The following MALRD1 variants were observed in gnomAD, a reference collection of about 807,000 sequenced individuals.
MALRD1 encodes the protein MAM and LDL-receptor class A domain-containing protein 1.
In MALRD1, 247 loss-of-function variants were observed where a neutral mutation model predicts 242.1. The ratio of observed to expected loss-of-function variants is 1.02; its 90% CI spans 0.92 to 1.13. The LOEUF (loss-of-function observed/expected upper bound fraction) is 1.13. MALRD1 is among the 50% of genes most tolerant of loss of function. The pLI, the probability that MALRD1 is intolerant of heterozygous loss-of-function variation, is 0.00. For synonymous variants in MALRD1, 995 were observed against 866.6 expected (o/e 1.15, Z -2.60); for missense variants, 2,989 against 2,533.1 (o/e 1.18, Z -3.86).
chr10:19,396,800 G>A (rs1327354998), intron 28 of MALRD1, among the ~76,000 whole-genome samples: 1 of 152,096 alleles, frequency 6.6e-6, no homozygotes, highest in East Asian at 1.9e-4. Context: ...GAGGAGAGGT[G>A]ACTACTTTGT....
intron 31 of MALRD1, among the ~76,000 whole-genome samples, chr10:19,512,713 G>T (rs1183342447): frequency 6.6e-6 from 1 of 152,120 alleles, no homozygotes; most frequent in African/African-American, 2.4e-5. Flanking sequence ...TGATTTATAG[G>T]TAGAAATGCA....
intron 28 of MALRD1, among the ~76,000 whole-genome samples, chr10:19,401,622 G>A (rs1360630697): frequency 6.6e-6 from 1 of 151,932 alleles, no homozygotes; most frequent in African/African-American, 2.4e-5. Context: ...TTTCTTTGCA[G>A]CAATGGACAT....
intron 17 of MALRD1, among the ~76,000 whole-genome samples, chr10:19,208,981 T>G (rs1280991927): frequency 1.3e-5 from 2 of 152,162 alleles, no homozygotes; most frequent in Non-Finnish European, 2.9e-5. Flanking sequence ...GTGCCTGGAG[T>G]TATGGTCATA....
intron 23 of MALRD1, among the ~76,000 whole-genome samples, chr10:19,330,376 AG>A (rs1359270318): frequency 7.2e-5 from 11 of 152,130 alleles, no homozygotes; most frequent in African/African-American, 2.4e-4. Flanking sequence ...ATTTCTTTTA[AG>A]AAAAATAATT....
chr10:19,568,211 C>A (rs1323077403), intron 33 of MALRD1, among the ~76,000 whole-genome samples: 1 of 152,150 alleles, frequency 6.6e-6, no homozygotes, highest in East Asian at 1.9e-4. Context: ...TAACTGAAAT[C>A]TGAATTTCTA....
At chr10:19,229,507 T>C (rs1837957498) in intron 18 of MALRD1, among the ~76,000 whole-genome samples, 2 of 152,202 alleles carry the variant, frequency 1.3e-5, no homozygotes, top group Non-Finnish European at 2.9e-5. Flanking sequence ...TGATCTCTAT[T>C]AGAACCATGG....
chr10:19,175,066 A>G, intron 13 of MALRD1, 142 bp from the exon 14 acceptor site: 1 of 472,016 alleles, frequency 2.1e-6, no homozygotes, highest in Non-Finnish European at 3.3e-6. Context: ...TTAAATTAGG[A>G]TGTTCTGGTC....
chr10:19,262,659 A>C (rs1839802957), intron 19 of MALRD1, among the ~76,000 whole-genome samples: 1 of 150,520 alleles, frequency 6.6e-6, no homozygotes, highest in East Asian at 2.0e-4. Flanking sequence ...CTGTCTCAAA[A>C]AAAAAAAAAA....
chr10:19,415,813 C>T (rs1833495408), intron 28 of MALRD1, among the ~76,000 whole-genome samples: 1 of 152,152 alleles, frequency 6.6e-6, no homozygotes, highest in Non-Finnish European at 1.5e-5. Flanking sequence ...GGGGTGTTCT[C>T]ATGGTCTTTA....
chr10:19,709,961 T>A (rs906088761), intron 38 of MALRD1, among the ~76,000 whole-genome samples: 4 of 152,100 alleles, frequency 2.6e-5, no homozygotes, highest in African/African-American at 9.7e-5. Context: ...ATTGTGGGAA[T>A]TTTATAAATA....
chr10:19,651,859 C>T (rs1022012907), intron 36 of MALRD1, among the ~76,000 whole-genome samples: 1 of 152,128 alleles, frequency 6.6e-6, no homozygotes, highest in East Asian at 1.9e-4. Flanking sequence ...AATTTAAATA[C>T]AGAGGAAGAA....
At chr10:19,154,085 C>T (rs531253823) in intron 11 of MALRD1, among the ~76,000 whole-genome samples, 9 of 152,226 alleles carry the variant, frequency 5.9e-5, no homozygotes, top group Non-Finnish European at 4.4e-5. Context: ...TGAACTTGCT[C>T]GCATGCACTG....
At chr10:19,479,084 C>T (rs934373796) in intron 29 of MALRD1, among the ~76,000 whole-genome samples, 1 of 152,130 alleles carries the variant, frequency 6.6e-6, no homozygotes, top group African/African-American at 2.4e-5. Flanking sequence ...AAACACAGTT[C>T]CATGAAATAC....
chr10:19,398,290 G>C (rs555927676), intron 28 of MALRD1, among the ~76,000 whole-genome samples: 2 of 152,032 alleles, frequency 1.3e-5, no homozygotes, highest in African/African-American at 2.4e-5. Context: ...TAGTTTTATA[G>C]CAATAGCTGC....
chr10:19,078,287 A>G (rs1315174778), intron 2 of MALRD1, among the ~76,000 whole-genome samples: 2 of 151,844 alleles, frequency 1.3e-5, no homozygotes, highest in African/African-American at 2.4e-5. Flanking sequence ...AGACTTTGTC[A>G]TATCTTTTTT....
chr10:19,682,276 A>G (rs1436928240), intron 36 of MALRD1, among the ~76,000 whole-genome samples: 2 of 152,146 alleles, frequency 1.3e-5, no homozygotes, highest in Admixed American at 6.6e-5. Context: ...CACAATGACA[A>G]TAAGGGTGGG....
chr10:19,147,179 T>A (rs1833754288), intron 11 of MALRD1, among the ~76,000 whole-genome samples: 1 of 152,192 alleles, frequency 6.6e-6, no homozygotes, highest in Admixed American at 6.5e-5. Flanking sequence ...AGCACAATTG[T>A]ACTTGTACTG....
intron 29 of MALRD1, among the ~76,000 whole-genome samples, chr10:19,458,892 T>TTGTATA (rs112455546): frequency 5.7e-4 from 85 of 149,970 alleles, no homozygotes; most frequent in East Asian, 5.4e-3. Flanking sequence ...TATAGTTGAG[T>TTGTATA]TATATATATA....
intron 31 of MALRD1, among the ~76,000 whole-genome samples, chr10:19,523,651 C>G (rs1471142673): frequency 1.3e-5 from 2 of 152,100 alleles, no homozygotes; most frequent in Non-Finnish European, 2.9e-5. Flanking sequence ...AATCTCTTGT[C>G]TCTAGCTGTA....
Sources: gnomAD v4.1 joint callset for allele counts (sites outside exome capture counted in the v4.1 genomes callset) on GRCh38, gnomAD v4.1.1 for gene constraint, MANE v1.5 for transcripts, NCBI Gene and HGNC (gene_info 2026-07-23, HGNC 2026-07-21) for gene names.